The following PLA2G4A variants were observed in gnomAD, a reference collection of about 807,000 sequenced individuals.
The protein encoded by PLA2G4A is cytosolic phospholipase A2.
A neutral mutation model predicts 81.9 loss-of-function variants in PLA2G4A; 40 were observed. That is an observed-to-expected ratio of 0.49 (90% CI 0.38 to 0.64). PLA2G4A has a LOEUF of 0.64. Among genes scored for constraint, PLA2G4A ranks in the 30% least tolerant of loss-of-function variants. The pLI is 0.00. For synonymous variants in PLA2G4A, 302 were observed against 296.9 expected (o/e 1.02, Z -0.18); for missense variants, 715 against 905.1 (o/e 0.79, Z 2.69).
intron 8 of PLA2G4A, among the ~76,000 whole-genome samples, chr1:186,938,071 C>T (rs1656019407): frequency 6.6e-6 from 1 of 152,060 alleles, no homozygotes; most frequent in African/African-American, 2.4e-5. Context: ...GGAATGTTTA[C>T]ATATTCTATT....
At chr1:186,947,827 G>A (rs995147836) in intron 12 of PLA2G4A, among the ~76,000 whole-genome samples, 9 of 152,082 alleles carry the variant, frequency 5.9e-5, no homozygotes, top group Non-Finnish European at 1.0e-4. Flanking sequence ...CTGGGAAGTA[G>A]CAAAGATCTA....
chr1:186,933,388 A>G (rs1421736426), intron 8 of PLA2G4A, among the ~76,000 whole-genome samples: 1 of 152,168 alleles, frequency 6.6e-6, no homozygotes, highest in South Asian at 2.1e-4. Flanking sequence ...AATATAATAT[A>G]TTTCATTGAT....
intron 10 of PLA2G4A, among the ~76,000 whole-genome samples, chr1:186,943,731 A>C (rs999425839): frequency 6.6e-6 from 1 of 152,222 alleles, no homozygotes; most frequent in Non-Finnish European, 1.5e-5. Flanking sequence ...CTATTAAAAA[A>C]AACAACTAGT....
At chr1:186,923,539 G>C (rs1655439211) in intron 7 of PLA2G4A, among the ~76,000 whole-genome samples, 1 of 152,216 alleles carries the variant, frequency 6.6e-6, no homozygotes. Flanking sequence ...TGATTTTAAA[G>C]CCTTGTTTGG....
At chr1:186,928,121 G>C (rs1655615515) in intron 7 of PLA2G4A, among the ~76,000 whole-genome samples, 2 of 152,192 alleles carry the variant, frequency 1.3e-5, no homozygotes, top group South Asian at 2.1e-4. Context: ...AACAGCCAAG[G>C]AATAAAACAG....
chr1:186,879,639 A>G (rs1653651465), intron 3 of PLA2G4A, among the ~76,000 whole-genome samples: 1 of 151,890 alleles, frequency 6.6e-6, no homozygotes. Context: ...TAATCCTACT[A>G]TTATTTATGA....
intron 5 of PLA2G4A, among the ~76,000 whole-genome samples, chr1:186,894,935 T>C (rs919104181): frequency 2.0e-5 from 3 of 152,182 alleles, no homozygotes; most frequent in African/African-American, 7.2e-5. Flanking sequence ...CTGGTTACCA[T>C]ACTAATTTCT....
At chr1:186,951,257 C>T (rs6664561) in intron 13 of PLA2G4A, among the ~76,000 whole-genome samples, 145,803 of 152,204 alleles carry the variant, frequency 0.96, 69,880 homozygotes, top group East Asian at 1. Context: ...TAAATGAGCC[C>T]TTTTACATTT....
intron 13 of PLA2G4A, among the ~76,000 whole-genome samples, chr1:186,952,160 T>C (rs1387479377): frequency 2.0e-5 from 3 of 152,328 alleles, no homozygotes; most frequent in East Asian, 3.9e-4. Context: ...GAATTATTTG[T>C]GTATTGATTT....
intron 8 of PLA2G4A, 61 bp downstream of exon 8, chr1:186,932,960 A>G: frequency 8.3e-7 from 1 of 1,197,898 alleles, no homozygotes; most frequent in Non-Finnish European, 1.2e-6. Flanking sequence ...TATCTAACTC[A>G]AGCACTAGAA....
intron 15 of PLA2G4A, among the ~76,000 whole-genome samples, chr1:186,974,939 C>T (rs1400477363): frequency 6.6e-6 from 1 of 152,152 alleles, no homozygotes; most frequent in Non-Finnish European, 1.5e-5. Context: ...CTGATTCTAG[C>T]GTGAAGTGAA....
intron 2 of PLA2G4A, among the ~76,000 whole-genome samples, chr1:186,863,034 C>A (rs1044784126): frequency 1.3e-5 from 2 of 152,174 alleles, no homozygotes; most frequent in African/African-American, 2.4e-5. Flanking sequence ...GCAGTTGTTT[C>A]ATTTCAATGT....
At chr1:186,967,598 A>T (rs772644847) in intron 15 of PLA2G4A, among the ~76,000 whole-genome samples, 18 of 152,178 alleles carry the variant, frequency 1.2e-4, no homozygotes, top group Non-Finnish European at 2.2e-4. Flanking sequence ...GAAACTTACT[A>T]TTAAATAGTC....
At chr1:186,878,226 T>G (rs902975221) in intron 3 of PLA2G4A, among the ~76,000 whole-genome samples, 3 of 143,558 alleles carry the variant, frequency 2.1e-5, no homozygotes, top group African/African-American at 7.5e-5. Flanking sequence ...CTGATATATT[T>G]TATATATATC....
At chr1:186,950,520 T>C in intron 12 of PLA2G4A, 137 bp from the exon 13 acceptor site, 1 of 542,830 alleles carries the variant, frequency 1.8e-6, no homozygotes, top group Non-Finnish European at 3.3e-6. Flanking sequence ...TCTAGAATTA[T>C]TAAATGGATT....
intron 17 of PLA2G4A, among the ~76,000 whole-genome samples, chr1:186,984,469 A>G (rs941063146): frequency 1.3e-5 from 2 of 152,224 alleles, no homozygotes; most frequent in Non-Finnish European, 2.9e-5. Flanking sequence ...CCAATGATGC[A>G]AAGTAATGAG....
chr1:186,950,817 T>C (rs773634482), intron 13 of PLA2G4A, 89 bp downstream of exon 13: 10 of 764,346 alleles, frequency 1.3e-5, no homozygotes, highest in Non-Finnish European at 2.4e-5. Context: ...ATGCTGATGG[T>C]AATCTTCACT....
rs139789065 is a variant in PLA2G4A, at chr1:186,860,320, G to A, written c.33+5933G>A. 3.0e-4 allele frequency among the ~76,000 whole-genome samples: 45 copies of A among 152,264 alleles called. No homozygotes were observed. The East Asian group carries it at 7.9e-3, about 27-fold the overall frequency. On this transcript the variant is annotated intron_variant, in intron 2 of 17. Transcript: ENST00000367466. ...TCTGCCATCTCAAGCTGGAAATGCT[G>A]TAAAGTTGGGGTGTATTTTGGTCTT...
intron 17 of PLA2G4A, among the ~76,000 whole-genome samples, chr1:186,987,941 CT>C (rs1657938305): frequency 6.6e-6 from 1 of 152,166 alleles, no homozygotes; most frequent in Non-Finnish European, 1.5e-5. Flanking sequence ...CCAGCAATGC[CT>C]TCTTCCTCCA....
Sources: allele counts gnomAD v4.1 joint callset (sites outside exome capture counted in the v4.1 genomes callset), GRCh38; gene constraint gnomAD v4.1.1; transcripts MANE v1.5; gene names NCBI Gene and HGNC (gene_info 2026-07-23, HGNC 2026-07-21).